The following GDE1 variants were observed in gnomAD, a reference collection of about 807,000 sequenced individuals.
GDE1 encodes the protein glycerophosphodiester phosphodiesterase 1, also known as RGS16-interacting membrane protein.
A neutral mutation model predicts 32.2 loss-of-function variants in GDE1; 24 were observed. That is an observed-to-expected ratio of 0.75 (90% CI 0.54 to 1.05). The LOEUF (loss-of-function observed/expected upper bound fraction) is 1.05. Among genes scored for constraint, GDE1 ranks in the 50% least tolerant of loss-of-function variants. The pLI, the probability that GDE1 is intolerant of heterozygous loss-of-function variation, is 0.00. For missense variants in GDE1, 380 were observed against 415.0 expected (o/e 0.92, Z 0.73); for synonymous variants, 159 against 158.6 (o/e 1.00, Z -0.02).
At chr16:19,506,401 T>C (rs1392732256) in intron 4 of GDE1, among the ~76,000 whole-genome samples, 1 of 151,994 alleles carries the variant, frequency 6.6e-6, no homozygotes, top group Non-Finnish European at 1.5e-5. Context: ...ACACCTGTAA[T>C]CATTTTGGGA....
intron 1 of GDE1, among the ~76,000 whole-genome samples, chr16:19,518,950 G>A (rs918900105): frequency 2.0e-5 from 3 of 152,014 alleles, no homozygotes; most frequent in African/African-American, 7.2e-5. Context: ...AAAAATGTGG[G>A]GGTTTTTCCC....
rs1398345239 is a variant in GDE1, at chr16:19,501,899, G to C, written c.*1571C>G. ...TCCAGCTGCTGCAAGTGTGAGGCCA[G>C]CAACCCACGGCAGGGATGCAGGAGG... On this transcript the variant is annotated 3_prime_UTR_variant, in exon 6 of 6. Transcript: ENST00000353258. The C allele has an allele frequency of 6.6e-6, 1 of 152,200 alleles. No individual in the cohort carries two copies. Among genetic ancestry groups the C allele is most frequent in the Non-Finnish European group, 1.5e-5 (1 of 68,056 alleles). 9.4% of individuals were successfully genotyped at this position (152,200 alleles called of 1,614,324 possible). A position where few individuals can be genotyped will look rare whatever the true frequency, so the allele number is the denominator to read the frequency against.
chr16:19,510,543 T>C (rs9924305), intron 3 of GDE1, among the ~76,000 whole-genome samples: 137,242 of 152,014 alleles, frequency 0.9, 62,001 homozygotes, highest in East Asian at 1. Context: ...TCTAGAAATG[T>C]CTTTTTTACT....
Position 19,503,393 on chromosome 16 carries a change from T to C in GDE1, c.*77A>G, listed in dbSNP as rs534239283. 119 of 1,305,800 alleles carry C rather than the reference T, an allele frequency of 9.1e-5. No individual in the cohort carries two copies. In the African/African-American group the frequency reaches 1.6e-3, roughly 18 times the overall value. The allele number at this position is 1,305,800 out of a possible 1,614,324, so 80.9% of individuals were successfully genotyped here. A position where few individuals can be genotyped will look rare whatever the true frequency, so the allele number is the denominator to read the frequency against. Reference sequence around the variant, plus strand: ...TCACCTGATTCCCCAGGGCCTGGGCTAGCACAAAGGGTATTTTGATATCCC... The same window carrying C: ...TCACCTGATTCCCCAGGGCCTGGGCCAGCACAAAGGGTATTTTGATATCCC... On this transcript the variant is annotated 3_prime_UTR_variant, in exon 6 of 6. Coordinates refer to ENST00000353258, the MANE Select transcript of GDE1 (RefSeq NM_016641.4).
intron 4 of GDE1, 57 bp downstream of exon 4, chr16:19,507,626 GCCCA>G: frequency 1.2e-6 from 1 of 837,306 alleles, no homozygotes; most frequent in South Asian, 1.3e-5. Flanking sequence ...TGCTTACGCA[GCCCA>G]TTGCAATTAT....
At position 19,521,990 on chromosome 16, in the gene GDE1, G is replaced by A; in HGVS notation, c.-26C>T. 1 of 1,518,798 alleles carries A rather than the reference G, an allele frequency of 6.6e-7. No individual in the cohort carries two copies. Among genetic ancestry groups the A allele is most frequent in the Middle Eastern group, 2.3e-4 (1 of 4,420 alleles). 94.1% of individuals were successfully genotyped at this position (1,518,798 alleles called of 1,614,324 possible). On this transcript the variant is annotated 5_prime_UTR_variant, in exon 1 of 6. Transcript: ENST00000353258. ...GCCGGCGCCCGCACCGGCACGGACG[G>A]GAGTCCCGGACCCGCCGGGCTCCTG...
At chr16:19,507,818 A>C (rs768431461) in intron 3 of GDE1, 39 bp from the exon 4 acceptor site, 7 of 957,498 alleles carry the variant, frequency 7.3e-6, no homozygotes, top group Non-Finnish European at 1.0e-5. Flanking sequence ...AAATTGATTA[A>C]AATGTGATAG....
At chr16:19,516,802 T>C (rs1969385893) in intron 2 of GDE1, among the ~76,000 whole-genome samples, 1 of 152,214 alleles carries the variant, frequency 6.6e-6, no homozygotes, top group Admixed American at 6.5e-5. Context: ...TGACAATAAT[T>C]CTGAAGCCAA....
rs1389666537 is a variant in GDE1 at position 19,517,153 on chromosome 16, T to C, written c.298A>G (p.Ile100Val). Reference sequence around the variant, plus strand: ...GGAATCCCGTCAGAAGTAAACTCAATGTCCAACTCCACGCCTGTTGCTCCA... The same window carrying C: ...GGAATCCCGTCAGAAGTAAACTCAACGTCCAACTCCACGCCTGTTGCTCCA... ...KNGATGVELD[I>V]EFTSDGIPVL... The change falls in exon 2 of 6, where the codon ATT (isoleucine) becomes GTT (valine). Residue 100 changes from isoleucine to valine, a missense_variant. Coordinates refer to ENST00000353258, the MANE Select transcript of GDE1 (RefSeq NM_016641.4). 1.2e-6 allele frequency: 2 copies of C among 1,614,008 alleles called. No homozygotes were observed. The highest frequency in any genetic ancestry group is 2.2e-5 in the South Asian group (2 of 91,076).
chr16:19,519,825 G>A (rs549335407), intron 1 of GDE1, among the ~76,000 whole-genome samples: 2 of 152,170 alleles, frequency 1.3e-5, no homozygotes, highest in African/African-American at 4.8e-5. Flanking sequence ...TTGCCAACAT[G>A]GCAAAACACC....
intron 2 of GDE1, among the ~76,000 whole-genome samples, chr16:19,512,927 T>TTG (rs144957791): frequency 0.095 from 12,975 of 136,968 alleles, 756 homozygotes; most frequent in East Asian, 0.34. Context: ...TGTATCTGTT[T>TTG]TGTGTGTGTG....
chr16:19,505,914 A>G (rs1484600957), intron 4 of GDE1, among the ~76,000 whole-genome samples: 1 of 152,252 alleles, frequency 6.6e-6, no homozygotes, highest in African/African-American at 2.4e-5. Context: ...TTGGTAACTA[A>G]ATAGTAGAGG....
At chr16:19,503,692 T>C in intron 5 of GDE1, 75 bp from the exon 6 acceptor site, 1 of 1,192,468 alleles carries the variant, frequency 8.4e-7, no homozygotes, top group Non-Finnish European at 1.2e-6. Context: ...CCACTAAGTA[T>C]GGTGTTCACT....
Position 19,504,875 on chromosome 16 carries a change from A to G in GDE1, c.848+6T>C. The G allele has an allele frequency of 6.3e-7, 1 of 1,588,182 alleles. No homozygotes were observed. Among genetic ancestry groups the G allele is most frequent in the African/African-American group, 1.3e-5 (1 of 74,340 alleles). On this transcript the variant is annotated splice_donor_region_variant and intron_variant, in intron 5 of 5. Transcript: ENST00000353258. ...TCTGGGTAAAATAAAAAACCTTCCA[A>G]CTTACGGGGATACAAAATCCTTTTG...
chr16:19,507,584 G>C (rs1228999863), intron 4 of GDE1, 103 bp downstream of exon 4: 9 of 712,588 alleles, frequency 1.3e-5, no homozygotes, highest in Non-Finnish European at 2.3e-5. Context: ...CTGTGACCCT[G>C]ATGCAGTTCA....
At position 19,505,052 on chromosome 16, in the gene GDE1, T is replaced by C; in HGVS notation, c.677A>G (p.His226Arg). The C allele has an allele frequency of 1.9e-6, 3 of 1,613,058 alleles. No homozygotes were observed. The highest frequency in any genetic ancestry group is 2.5e-6 in the Non-Finnish European group (3 of 1,178,972). The change falls in exon 5 of 6, where the codon CAC becomes CGC. Residue 226 changes from histidine to arginine, a missense_variant. His to Arg is a conservative substitution (Grantham distance 29). Coordinates refer to ENST00000353258, the MANE Select transcript of GDE1 (RefSeq NM_016641.4). ...TGTATGGCTTAGGCTCCAAGGTCTG[T>C]GAGTTAATGCTGTTATTACATCCCG... ...TDRDVITALT[H>R]RPWSLSHTGD...
At chr16:19,511,015 G>T in intron 2 of GDE1, 71 bp from the exon 3 acceptor site, 2 of 721,766 alleles carry the variant, frequency 2.8e-6, no homozygotes. Flanking sequence ...CAAACATTTT[G>T]CATATGTCTC....
chr16:19,517,061 T>C lies in GDE1; in HGVS notation c.390A>G (p.Thr130=), dbSNP rs1969389638. 6.2e-7 allele frequency: 1 copy of C among 1,614,106 alleles called. No homozygotes were observed. The highest frequency in any genetic ancestry group is 1.7e-5 in the Admixed American group (1 of 60,002). ...TDGTGRLCDL[T]FEQIRKLNPA... ...GATTCAGCTTCCTAATTTGTTCAAA[T>C]GTCAAATCACACAATCGCCCAGTCC... Residue 130 remains threonine (T), a synonymous_variant, in exon 2 of 6, where the codon ACA becomes ACG. Transcript: ENST00000353258.
At chr16:19,514,997 T>C (rs929573220) in intron 2 of GDE1, among the ~76,000 whole-genome samples, 3 of 137,646 alleles carry the variant, frequency 2.2e-5, no homozygotes, top group South Asian at 2.2e-4. Context: ...ACCCGGGAGG[T>C]GGAGGTTGCA....
Sources: gnomAD v4.1 joint callset for allele counts (sites outside exome capture counted in the v4.1 genomes callset) on GRCh38, gnomAD v4.1.1 for gene constraint, MANE v1.5 for transcripts, NCBI Gene and HGNC (gene_info 2026-07-23, HGNC 2026-07-21) for gene names.